The following STK38 variants were observed in gnomAD, a reference collection of about 807,000 sequenced individuals.
STK38 encodes serine/threonine-protein kinase 38.
STK38 carries 26 observed loss-of-function variants against 59.0 expected under a neutral mutation model. The observed-to-expected ratio is 0.44, with a 90% CI of 0.32 to 0.61. The LOEUF is 0.61. Ranked by LOEUF, STK38 falls within the 20% of genes least tolerant of loss-of-function variation. The pLI is 0.04. For missense variants in STK38, 433 were observed against 566.0 expected, an observed-to-expected ratio of 0.76 and a Z score of 2.38; for synonymous variants, 175 against 176.6, an observed-to-expected ratio of 0.99 and a Z score of 0.07.
At position 36,532,309 on chromosome 6, in the gene STK38, TA is replaced by T. The variant is rs1359068323; in HGVS notation, c.132-6668del. On this transcript the variant is annotated intron_variant, in intron 2 of 13. Coordinates refer to ENST00000229812, the MANE Select transcript of STK38 (RefSeq NM_007271.4). Reference sequence around the variant, plus strand: ...GTGACACAGTGAGACCTTGTCTGCATAAAAAAAAAAAAAAAAAAAGGTTTTA... The same window carrying T: ...GTGACACAGTGAGACCTTGTCTGCATAAAAAAAAAAAAAAAAAAGGTTTTA... Among the ~76,000 whole-genome samples the T allele has an allele frequency of 1.7e-3, 112 of 67,498 alleles. 1 individual carries two copies. Among genetic ancestry groups the T allele is most frequent in the Middle Eastern group, 0.022 (2 of 90 alleles). 44.3% of individuals were successfully genotyped at this position (67,498 alleles called of 152,430 possible).
chr6:36,496,252 C>T (rs1249859437), intron 13 of STK38, among the ~76,000 whole-genome samples: 1 of 151,954 alleles, frequency 6.6e-6, no homozygotes, highest in Non-Finnish European at 1.5e-5. Flanking sequence ...CCATGTTGGC[C>T]AGGATGGTCT....
intron 2 of STK38, among the ~76,000 whole-genome samples, chr6:36,528,801 G>T (rs945693993): frequency 3.3e-5 from 5 of 152,158 alleles, no homozygotes; most frequent in African/African-American, 1.2e-4. Context: ...ACACGTTTTT[G>T]AATGACTACA....
intron 3 of STK38, 112 bp from the exon 4 acceptor site, chr6:36,524,575 G>C (rs1777465598): frequency 3.6e-6 from 4 of 1,115,288 alleles, no homozygotes; most frequent in Non-Finnish European, 3.8e-6. Flanking sequence ...AGTGGACTAA[G>C]GATAATCTTT....
At chr6:36,509,114 G>A (rs1052868863) in intron 7 of STK38, among the ~76,000 whole-genome samples, 19 of 152,198 alleles carry the variant, frequency 1.2e-4, no homozygotes, top group African/African-American at 3.4e-4. Context: ...TTGTGTTACC[G>A]CTCTTTCAGC....
chr6:36,526,523 G>A lies in STK38; in HGVS notation c.132-881C>T, dbSNP rs576424882. On this transcript the variant is annotated intron_variant, in intron 2 of 13. Transcript: ENST00000229812. Reference sequence around the variant, plus strand: ...GCCTGTGATCCCAGCACTTTGGGAGGTGAGGCAGATGGGTCACTTGAGGTC... The same window carrying A: ...GCCTGTGATCCCAGCACTTTGGGAGATGAGGCAGATGGGTCACTTGAGGTC... Among the ~76,000 whole-genome samples, 4 of 152,228 alleles carry A rather than the reference G, an allele frequency of 2.6e-5. No individual in the cohort carries two copies. In the East Asian group the frequency reaches 7.7e-4, roughly 29 times the overall value.
At chr6:36,507,992 G>A (rs538898915) in intron 7 of STK38, among the ~76,000 whole-genome samples, 1 of 134,702 alleles carries the variant, frequency 7.4e-6, no homozygotes, top group South Asian at 2.3e-4. Flanking sequence ...GGAGTACAAT[G>A]GCGTGATCAT....
chr6:36,518,157 T>C (rs1288936738), intron 5 of STK38, among the ~76,000 whole-genome samples: 1 of 152,228 alleles, frequency 6.6e-6, no homozygotes, highest in African/African-American at 2.4e-5. Context: ...CTCTTTTGCA[T>C]AGAGTTTTGT....
intron 6 of STK38, 22 bp from the exon 7 acceptor site, chr6:36,515,514 G>C (rs2127475821): frequency 6.3e-7 from 1 of 1,582,172 alleles, no homozygotes; most frequent in Non-Finnish European, 8.6e-7. Flanking sequence ...AAGATACAAA[G>C]CCACCACACA....
Position 36,495,513 on chromosome 6 carries a change from T to C in STK38, c.*271A>G. ...GATGAACTTAGGAAAACTCAAGTTATTTTTAAAACACCTATCAAATTGGCT... is the reference window on the plus strand; with the variant it reads ...GATGAACTTAGGAAAACTCAAGTTACTTTTAAAACACCTATCAAATTGGCT... On this transcript the variant is annotated 3_prime_UTR_variant, in exon 14 of 14. Coordinates refer to ENST00000229812, the MANE Select transcript of STK38 (RefSeq NM_007271.4). 1 of 326,080 alleles carries C rather than the reference T, an allele frequency of 3.1e-6. No individual in the cohort carries two copies. Among genetic ancestry groups the C allele is most frequent in the South Asian group, 3.9e-5 (1 of 25,344 alleles). 20.2% of individuals were successfully genotyped at this position (326,080 alleles called of 1,614,324 possible). A position where few individuals can be genotyped will look rare whatever the true frequency, so the allele number is the denominator to read the frequency against.
At chr6:36,526,334 C>T (rs1480488206) in intron 2 of STK38, among the ~76,000 whole-genome samples, 1 of 151,370 alleles carries the variant, frequency 6.6e-6, no homozygotes, top group African/African-American at 2.4e-5. Flanking sequence ...CTGAAGTCTA[C>T]TTCCTTTATT....
At chr6:36,519,053 T>C (rs1034600257) in intron 5 of STK38, among the ~76,000 whole-genome samples, 20 of 152,214 alleles carry the variant, frequency 1.3e-4, no homozygotes, top group African/African-American at 4.8e-4. Context: ...GTCTTATATC[T>C]AACTTGCTTC....
chr6:36,496,196 A>G (rs1776701654), intron 13 of STK38, among the ~76,000 whole-genome samples: 1 of 151,946 alleles, frequency 6.6e-6, no homozygotes, highest in Admixed American at 6.6e-5. Flanking sequence ...GGCGTGTGCC[A>G]CCATACCCAG....
chr6:36,543,711 G>A (rs935978263), intron 1 of STK38, among the ~76,000 whole-genome samples: 1 of 152,080 alleles, frequency 6.6e-6, no homozygotes, highest in African/African-American at 2.4e-5. Flanking sequence ...GCACAATCTC[G>A]GTGCACTGCA....
intron 2 of STK38, among the ~76,000 whole-genome samples, chr6:36,539,460 A>G: frequency 6.6e-6 from 1 of 152,316 alleles, no homozygotes; most frequent in African/African-American, 2.4e-5. Flanking sequence ...TAATAACAAT[A>G]GCTGATACTA....
At chr6:36,497,706 TG>T in intron 12 of STK38, 73 bp downstream of exon 12, 1 of 1,241,722 alleles carries the variant, frequency 8.1e-7, no homozygotes, top group Non-Finnish European at 1.2e-6. Context: ...TTGCCAATGA[TG>T]GTCCTTCCAA....
At chr6:36,505,683 G>A (rs1776947298) in intron 9 of STK38, among the ~76,000 whole-genome samples, 1 of 152,204 alleles carries the variant, frequency 6.6e-6, no homozygotes. Flanking sequence ...ACCATTTCCA[G>A]ACAATACATT....
In STK38 at chr6:36,519,932, G is replaced by A. The variant is rs78450006; in HGVS notation, c.390+1802C>T. ...ACCACGTGGAGCAGAAAAATAACCT[G>A]AACTCTCAGTGGGTAGCTTTAATTC... On this transcript the variant is annotated intron_variant, in intron 5 of 13. Transcript: ENST00000229812. 1.1e-3 allele frequency among the ~76,000 whole-genome samples: 166 copies of A among 152,252 alleles called. 2 individuals are homozygous for A. The South Asian group carries it at 0.012, about 11-fold the overall frequency.
intron 9 of STK38, 105 bp downstream of exon 9, chr6:36,506,478 A>G: frequency 2.5e-6 from 3 of 1,176,850 alleles, no homozygotes; most frequent in Non-Finnish European, 3.7e-6. Context: ...TCTTAAAAGC[A>G]AGGGATATGT....
chr6:36,523,935 C>T (rs1049645327), intron 4 of STK38, among the ~76,000 whole-genome samples: 1 of 152,100 alleles, frequency 6.6e-6, no homozygotes, highest in African/African-American at 2.4e-5. Context: ...GGAAGTAGAG[C>T]CCAACTTTTG....
Sources: gnomAD v4.1 joint callset for allele counts (sites outside exome capture counted in the v4.1 genomes callset) on GRCh38, gnomAD v4.1.1 for gene constraint, MANE v1.5 for transcripts, NCBI Gene and HGNC (gene_info 2026-07-23, HGNC 2026-07-21) for gene names.